Variants in EBF2 observed in about 807,000 individuals in gnomAD.
EBF2 encodes the protein transcription factor COE2.
In EBF2, 21 loss-of-function variants were observed where a neutral mutation model predicts 72.8. That is an observed-to-expected ratio of 0.29 (90% CI 0.20 to 0.42). The LOEUF (loss-of-function observed/expected upper bound fraction) is 0.42. Ranked by LOEUF, EBF2 falls within the 10% of genes least tolerant of loss-of-function variation. The probability of loss-of-function intolerance (pLI) is 1.00; values close to 1 mark genes in which losing one functional copy is unlikely to be tolerated. For missense variants in EBF2, 637 were observed against 731.2 expected (o/e 0.87, Z 1.49); for synonymous variants, 299 against 274.2 (o/e 1.09, Z -0.89).
At chr8:25,906,561 G>A (rs1803035563) in intron 7 of EBF2, among the ~76,000 whole-genome samples, 1 of 152,108 alleles carries the variant, frequency 6.6e-6, no homozygotes, top group African/African-American at 2.4e-5. Flanking sequence ...GAGGTCTGGA[G>A]TTTCAGACCA....
At chr8:26,038,140 T>A (rs1438794378) in intron 5 of EBF2, among the ~76,000 whole-genome samples, 2 of 152,310 alleles carry the variant, frequency 1.3e-5, no homozygotes, top group East Asian at 3.9e-4. Flanking sequence ...TTTGGATGCA[T>A]CTAATATTTG....
chr8:25,951,514 T>C (rs2117169340), intron 6 of EBF2, among the ~76,000 whole-genome samples: 1 of 152,286 alleles, frequency 6.6e-6, no homozygotes, highest in East Asian at 1.9e-4. Flanking sequence ...GATGGCTCTG[T>C]CCAAATAATT....
intron 6 of EBF2, among the ~76,000 whole-genome samples, chr8:25,979,659 AT>A (rs947638523): frequency 2.1e-4 from 32 of 150,544 alleles, no homozygotes; most frequent in African/African-American, 5.6e-4. Flanking sequence ...TCTCTGTACA[AT>A]TTTTTTTTTA....
At chr8:25,852,815 C>T (rs550291071) in intron 14 of EBF2, among the ~76,000 whole-genome samples, 170 of 152,290 alleles carry the variant, frequency 1.1e-3, no homozygotes, top group African/African-American at 3.8e-3. Context: ...TTGTGCATTT[C>T]GGCAAACACA....
rs1489907148 is a variant in EBF2, at chr8:26,005,555, T to TAGAGAGAG, written c.551+27529_551+27530insCTCTCTCT. On this transcript the variant is annotated intron_variant, in intron 6 of 15. Transcript: ENST00000520164. Reference sequence around the variant, plus strand: ...ATTATATATATTTTATATATATATATATATATAGAGAGAGAGAGAGAGAGG... The same window carrying TAGAGAGAG: ...ATTATATATATTTTATATATATATATAGAGAGAGATATATAGAGAGAGAGAGAGAGAGG... Among the ~76,000 whole-genome samples the TAGAGAGAG allele has an allele frequency of 6.8e-3, 210 of 30,810 alleles. 4 individuals are homozygous for TAGAGAGAG. The highest frequency in any genetic ancestry group is 0.012 in the African/African-American group (50 of 4,246). The allele number at this position is 30,810 out of a possible 152,430, so 20.2% of individuals were successfully genotyped here.
intron 7 of EBF2, among the ~76,000 whole-genome samples, chr8:25,896,501 C>A (rs1202412051): frequency 2.6e-5 from 4 of 152,126 alleles, no homozygotes; most frequent in African/African-American, 7.2e-5. Flanking sequence ...AAAAAAAATT[C>A]TTTATGACAT....
intron 10 of EBF2, among the ~76,000 whole-genome samples, chr8:25,882,395 T>C (rs1312761029): frequency 6.6e-6 from 1 of 152,198 alleles, no homozygotes; most frequent in Non-Finnish European, 1.5e-5. Context: ...CTATCCACTC[T>C]CTATCCCAGG....
In EBF2 at chr8:26,012,942, C is replaced by A. The variant is rs1250824699; in HGVS notation, c.551+20143G>T. On this transcript the variant is annotated intron_variant, in intron 6 of 15. Coordinates refer to ENST00000520164, the MANE Select transcript of EBF2 (RefSeq NM_022659.4). Reference sequence around the variant, plus strand: ...CATTATTCTAGATGCCAAGGATAAACAAAGATAAAAATCCCTGCCCACCTG... The same window carrying A: ...CATTATTCTAGATGCCAAGGATAAAAAAAGATAAAAATCCCTGCCCACCTG... 2.6e-5 allele frequency among the ~76,000 whole-genome samples: 4 copies of A among 152,116 alleles called. No homozygotes were observed. The East Asian group carries it at 7.7e-4, about 29-fold the overall frequency.
rs188359655 is a variant in EBF2 at position 25,968,995 on chromosome 8, A to T, written c.552-60440T>A. Among the ~76,000 whole-genome samples, 38 of 152,298 alleles carry T rather than the reference A, an allele frequency of 2.5e-4. No homozygotes were observed. The East Asian group carries it at 6.4e-3, about 25-fold the overall frequency. ...GTATTTTACCACAAATAATTTTTTT[A>T]AAAAACTTAAAATGGTAAAAAAAAA... On this transcript the variant is annotated intron_variant, in intron 6 of 15. Transcript: ENST00000520164.
At chr8:25,976,433 C>T (rs911800049) in intron 6 of EBF2, among the ~76,000 whole-genome samples, 3 of 152,196 alleles carry the variant, frequency 2.0e-5, no homozygotes, top group African/African-American at 7.2e-5. Context: ...TTTAGAGTCA[C>T]TCATAACATT....
intron 6 of EBF2, among the ~76,000 whole-genome samples, chr8:26,009,303 C>G (rs372877870): frequency 1.3e-5 from 2 of 152,050 alleles, no homozygotes; most frequent in Non-Finnish European, 2.9e-5. Flanking sequence ...CAAGTATAAA[C>G]GTATTCAGCA....
At chr8:25,860,622 G>C (rs1018316220) in intron 13 of EBF2, among the ~76,000 whole-genome samples, 4 of 151,708 alleles carry the variant, frequency 2.6e-5, no homozygotes, top group African/African-American at 9.7e-5. Context: ...CGACTTCCCA[G>C]GCTCATGTGA....
chr8:25,946,005 C>T (rs1248399196), intron 6 of EBF2, among the ~76,000 whole-genome samples: 3 of 152,168 alleles, frequency 2.0e-5, no homozygotes, highest in African/African-American at 7.2e-5. Context: ...AGGCAGTCTG[C>T]CTGTCGGAGC....
intron 8 of EBF2, among the ~76,000 whole-genome samples, chr8:25,888,275 G>A (rs565236402): frequency 4.7e-4 from 72 of 152,266 alleles, no homozygotes; most frequent in African/African-American, 1.4e-3. Context: ...AGAATTCTGC[G>A]GATGGGCTGC....
chr8:25,962,433 A>G (rs1401286028), intron 6 of EBF2, among the ~76,000 whole-genome samples: 3 of 152,156 alleles, frequency 2.0e-5, no homozygotes, highest in Non-Finnish European at 4.4e-5. Flanking sequence ...ATGGCTTCCA[A>G]CTTCCAACTA....
At chr8:25,865,517 C>G (rs963814839) in intron 10 of EBF2, among the ~76,000 whole-genome samples, 1 of 152,040 alleles carries the variant, frequency 6.6e-6, no homozygotes, top group Non-Finnish European at 1.5e-5. Flanking sequence ...TGTTTAAAAT[C>G]CATTTTATAG....
intron 15 of EBF2, among the ~76,000 whole-genome samples, chr8:25,846,645 C>A (rs1378762797): frequency 6.6e-6 from 1 of 152,132 alleles, no homozygotes; most frequent in African/African-American, 2.4e-5. Flanking sequence ...GCCATGATTG[C>A]ACCACTATAC....
intron 15 of EBF2, among the ~76,000 whole-genome samples, chr8:25,848,119 C>G (rs947962926): frequency 2.0e-5 from 3 of 152,164 alleles, no homozygotes; most frequent in African/African-American, 7.2e-5. Context: ...CTGCCTCAGC[C>G]TCCCAAGTAT....
intron 10 of EBF2, among the ~76,000 whole-genome samples, chr8:25,874,284 G>A (rs1394968298): frequency 1.3e-5 from 2 of 152,170 alleles, no homozygotes; most frequent in African/African-American, 4.8e-5. Context: ...CAGCCTTGGG[G>A]AGGAGGCTGT....
Sources: allele counts gnomAD v4.1 joint callset (sites outside exome capture counted in the v4.1 genomes callset), GRCh38; gene constraint gnomAD v4.1.1; transcripts MANE v1.5; gene names NCBI Gene and HGNC (gene_info 2026-07-23, HGNC 2026-07-21).